The following FAM78B variants were observed in gnomAD, a reference collection of about 807,000 sequenced individuals.
FAM78B encodes the protein family with sequence similarity 78 member B, also known as protein FAM78B.
In FAM78B, 10 loss-of-function variants were observed where a neutral mutation model predicts 20.0. The observed-to-expected ratio is 0.50, with a 90% CI of 0.31 to 0.85. The LOEUF is 0.85. Among genes scored for constraint, FAM78B ranks in the 40% least tolerant of loss-of-function variants. The pLI is 0.05. For missense variants in FAM78B, 283 were observed against 345.0 expected (o/e 0.82, Z 1.42); for synonymous variants, 135 against 132.8 (o/e 1.02, Z -0.12).
intron 1 of FAM78B, among the ~76,000 whole-genome samples, chr1:166,097,520 A>G: frequency 6.6e-6 from 1 of 151,988 alleles, no homozygotes; most frequent in Non-Finnish European, 1.5e-5. Flanking sequence ...TGTTGCGGGG[A>G]GCATGGTGGG....
chr1:166,153,604 G>C (rs1655773658), intron 1 of FAM78B, among the ~76,000 whole-genome samples: 1 of 152,084 alleles, frequency 6.6e-6, no homozygotes, highest in South Asian at 2.1e-4. Flanking sequence ...CTCTACGCAG[G>C]TCTCCAGGGA....
intron 1 of FAM78B, among the ~76,000 whole-genome samples, chr1:166,126,933 C>T (rs183408775): frequency 6.6e-6 from 1 of 152,222 alleles, no homozygotes; most frequent in African/African-American, 2.4e-5. Context: ...TGGTATCTTC[C>T]CCTGTCAACC....
chr1:166,089,294 C>T (rs761218117), intron 1 of FAM78B, among the ~76,000 whole-genome samples: 43 of 152,206 alleles, frequency 2.8e-4, no homozygotes, highest in Admixed American at 2.6e-4. Context: ...TGTCTCTCTT[C>T]GTGTGGATTG....
chr1:166,127,575 A>G (rs573699064), intron 1 of FAM78B, among the ~76,000 whole-genome samples: 35 of 152,358 alleles, frequency 2.3e-4, no homozygotes, highest in African/African-American at 8.2e-4. Context: ...TGTTAGGCAC[A>G]TATTAGGTGC....
intron 1 of FAM78B, among the ~76,000 whole-genome samples, chr1:166,097,217 G>A (rs1653319297): frequency 1.3e-5 from 2 of 152,222 alleles, no homozygotes; most frequent in Non-Finnish European, 1.5e-5. Flanking sequence ...GGCCCTGGGA[G>A]CTTGCTGGGT....
chr1:166,124,548 G>A lies in FAM78B; in HGVS notation c.263+41438C>T, dbSNP rs943996042. 2.0e-5 allele frequency among the ~76,000 whole-genome samples: 3 copies of A among 152,166 alleles called. No homozygotes were observed. The South Asian group carries it at 6.2e-4, about 32-fold the overall frequency. ...GAGGCACAGATAATTTATATCACTT[G>A]CCTGAGATCACAGAGTTATAAGTAG... is the stretch of plus-strand genomic sequence containing the variant. On this transcript the variant is annotated intron_variant, in intron 1 of 1. Transcript: ENST00000354422.
At chr1:166,165,377 G>A (rs963968664) in intron 1 of FAM78B, among the ~76,000 whole-genome samples, 1 of 152,170 alleles carries the variant, frequency 6.6e-6, no homozygotes, top group African/African-American at 2.4e-5. Context: ...GGTCCAGGGG[G>A]CGCGGAAACA....
intron 1 of FAM78B, among the ~76,000 whole-genome samples, chr1:166,114,862 A>C (rs185841624): frequency 6.6e-6 from 1 of 152,264 alleles, no homozygotes; most frequent in East Asian, 1.9e-4. Context: ...AACAGCTTAG[A>C]GTTAGACTAC....
At chr1:166,145,815 G>A (rs1449900482) in intron 1 of FAM78B, among the ~76,000 whole-genome samples, 1 of 152,230 alleles carries the variant, frequency 6.6e-6, no homozygotes, top group Non-Finnish European at 1.5e-5. Flanking sequence ...GGCCAGTAGT[G>A]TGGTAAAGTA....
At chr1:166,140,931 C>T (rs1257499232) in intron 1 of FAM78B, among the ~76,000 whole-genome samples, 1 of 152,208 alleles carries the variant, frequency 6.6e-6, no homozygotes, top group African/African-American at 2.4e-5. Context: ...CTCAGAGGAA[C>T]CTGGCAACTT....
intron 1 of FAM78B, among the ~76,000 whole-genome samples, chr1:166,152,699 G>T (rs576285412): frequency 0.013 from 1,791 of 135,504 alleles, 32 homozygotes; most frequent in Non-Finnish European, 0.02. Context: ...TTTATTTATT[G>T]ATGGAATCTC....
chr1:166,104,227 A>G (rs1237402474), intron 1 of FAM78B, among the ~76,000 whole-genome samples: 1 of 152,238 alleles, frequency 6.6e-6, no homozygotes, highest in East Asian at 1.9e-4. Context: ...GCTATTTATG[A>G]CAAACCCACA....
chr1:166,080,319 A>AC (rs1294959115), intron 1 of FAM78B, among the ~76,000 whole-genome samples: 1 of 150,934 alleles, frequency 6.6e-6, no homozygotes, highest in Non-Finnish European at 1.5e-5. Flanking sequence ...CTCTTTGGCC[A>AC]CCCAGGTTCC....
intron 1 of FAM78B, among the ~76,000 whole-genome samples, chr1:166,148,727 T>C (rs1463352163): frequency 6.6e-6 from 1 of 152,230 alleles, no homozygotes. Flanking sequence ...GAAGATCAGA[T>C]GACAAAGGGA....
chr1:166,079,620 G>T (rs1048164773), intron 1 of FAM78B, among the ~76,000 whole-genome samples: 19 of 152,178 alleles, frequency 1.2e-4, no homozygotes, highest in African/African-American at 4.6e-4. Flanking sequence ...GGAGCTAGGG[G>T]CTGAGGGTCA....
chr1:166,082,543 C>T (rs546961771), intron 1 of FAM78B: 3 of 152,398 alleles, frequency 2.0e-5, no homozygotes, highest in African/African-American at 7.2e-5. Flanking sequence ...AGGCCACCTT[C>T]TGAGAGTGGC....
intron 1 of FAM78B, among the ~76,000 whole-genome samples, chr1:166,137,705 T>C (rs1299936818): frequency 6.6e-6 from 1 of 152,214 alleles, no homozygotes; most frequent in Non-Finnish European, 1.5e-5. Flanking sequence ...TGAGGCCATG[T>C]TCTTGCTGTT....
chr1:166,120,047 C>G (rs1654410404), intron 1 of FAM78B, among the ~76,000 whole-genome samples: 1 of 152,204 alleles, frequency 6.6e-6, no homozygotes, highest in Non-Finnish European at 1.5e-5. Context: ...CTCCTCACAG[C>G]TGAAAGGTGA....
At chr1:166,133,973 C>CGG (rs772743443) in intron 1 of FAM78B, among the ~76,000 whole-genome samples, 1 of 152,202 alleles carries the variant, frequency 6.6e-6, no homozygotes, top group African/African-American at 2.4e-5. Context: ...ATTTTACCAA[C>CGG]GGGAGACTGA....
Sources: allele counts gnomAD v4.1 joint callset (sites outside exome capture counted in the v4.1 genomes callset), GRCh38; gene constraint gnomAD v4.1.1; transcripts MANE v1.5; gene names NCBI Gene and HGNC (gene_info 2026-07-23, HGNC 2026-07-21).